The following DCLRE1C variants were observed in gnomAD, a reference collection of about 807,000 sequenced individuals.
DCLRE1C encodes the protein protein artemis.
A neutral mutation model predicts 61.4 loss-of-function variants in DCLRE1C; 47 were observed. The ratio of observed to expected loss-of-function variants is 0.77; its 90% CI spans 0.61 to 0.98. The LOEUF is 0.98. Among genes scored for constraint, DCLRE1C ranks in the 50% least tolerant of loss-of-function variants. DCLRE1C has a pLI of 0.00. For synonymous variants in DCLRE1C, 337 were observed against 287.6 expected (o/e 1.17, Z -1.74); for missense variants, 858 against 816.0 (o/e 1.05, Z -0.63).
intron 1 of DCLRE1C, among the ~76,000 whole-genome samples, chr10:14,952,131 TTA>T (rs1406144867): frequency 1.3e-5 from 2 of 152,224 alleles, no homozygotes; most frequent in Non-Finnish European, 2.9e-5. Flanking sequence ...TTTAGATTTA[TTA>T]TTTCTCCAAA....
intron 12 of DCLRE1C, among the ~76,000 whole-genome samples, chr10:14,922,000 C>T (rs545298990): frequency 2.0e-5 from 3 of 152,228 alleles, no homozygotes; most frequent in Non-Finnish European, 4.4e-5. Context: ...TTCCCTGACA[C>T]GGGGCCTCAT....
intron 1 of DCLRE1C, among the ~76,000 whole-genome samples, chr10:14,951,046 G>A (rs1055788078): frequency 3.9e-5 from 6 of 152,058 alleles, no homozygotes; most frequent in Non-Finnish European, 7.3e-5. Flanking sequence ...CCACAAATAA[G>A]CATCAGGTGG....
chr10:14,908,352 T>C lies in DCLRE1C; in HGVS notation c.*56A>G. On this transcript the variant is annotated 3_prime_UTR_variant, in exon 14 of 14. Coordinates refer to ENST00000378278, the MANE Select transcript of DCLRE1C (RefSeq NM_001033855.3). ...GTATTTTCTCTATTGTAATATTGAC[T>C]GTCATCTCTGTGCAGGTTTTTTAGT... 7.6e-7 allele frequency: 1 copy of C among 1,307,826 alleles called. No homozygotes were observed. The highest frequency in any genetic ancestry group is 1.1e-6 in the Non-Finnish European group (1 of 906,478). 81.0% of individuals were successfully genotyped at this position (1,307,826 alleles called of 1,614,324 possible).
intron 4 of DCLRE1C, among the ~76,000 whole-genome samples, chr10:14,937,239 C>A (rs1840084973): frequency 6.7e-6 from 1 of 150,318 alleles, no homozygotes; most frequent in Non-Finnish European, 1.5e-5. Context: ...GTGATGGATA[C>A]ACAAGTGTGT....
At chr10:14,910,584 T>G (rs931206762) in intron 13 of DCLRE1C, among the ~76,000 whole-genome samples, 2 of 152,138 alleles carry the variant, frequency 1.3e-5, no homozygotes, top group Non-Finnish European at 2.9e-5. Context: ...ATGAGCCACT[T>G]TGCCTAGCCC....
chr10:14,928,300 A>G, intron 9 of DCLRE1C, 148 bp from the exon 10 acceptor site: 1 of 700,608 alleles, frequency 1.4e-6, no homozygotes, highest in Non-Finnish European at 2.3e-6. Context: ...AGACATGAAG[A>G]AACAATCAGA....
intron 4 of DCLRE1C, 94 bp downstream of exon 4, chr10:14,939,716 G>A: frequency 1.0e-6 from 1 of 997,320 alleles, no homozygotes; most frequent in South Asian, 1.4e-5. Flanking sequence ...ATAGCTGAGG[G>A]GTGGAGCATC....
intron 1 of DCLRE1C, among the ~76,000 whole-genome samples, chr10:14,949,765 T>C (rs529580246): frequency 3.3e-5 from 5 of 152,184 alleles, no homozygotes; most frequent in African/African-American, 4.8e-5. Context: ...ACTAAACCAG[T>C]TGGACATGGT....
chr10:14,936,672 G>A, intron 4 of DCLRE1C, 79 bp from the exon 5 acceptor site: 4 of 951,000 alleles, frequency 4.2e-6, no homozygotes, highest in Admixed American at 1.9e-5. Context: ...CTCCTTCACA[G>A]AACACATTTA....
chr10:14,919,432 G>C (rs1326794909), intron 13 of DCLRE1C, among the ~76,000 whole-genome samples: 3 of 152,146 alleles, frequency 2.0e-5, no homozygotes, highest in Admixed American at 6.5e-5. Flanking sequence ...AAATGTTCAA[G>C]GATAACAAAC....
intron 9 of DCLRE1C, among the ~76,000 whole-genome samples, chr10:14,929,193 T>G (rs931879776): frequency 6.6e-6 from 1 of 151,970 alleles, no homozygotes; most frequent in Non-Finnish European, 1.5e-5. Flanking sequence ...TCACTTGAGG[T>G]CAGGAGTCCA....
chr10:14,909,311 G>T lies in DCLRE1C; in HGVS notation c.1176C>A (p.Leu392=). ...AAGGTATTGGCAGAGGATCATCAAA[G>T]AGATAGTCATCTTCCTCCTCTGTGG... ...HRDSEEEDDY[L]FDDPLPIPLR... Residue 392 remains leucine (L), a synonymous_variant, in exon 14 of 14, where the codon CTC becomes CTA. Coordinates refer to ENST00000378278, the MANE Select transcript of DCLRE1C (RefSeq NM_001033855.3). 1.2e-6 allele frequency: 2 copies of T among 1,613,722 alleles called. No homozygotes were observed. Among genetic ancestry groups the T allele is most frequent in the Non-Finnish European group, 1.7e-6 (2 of 1,179,986 alleles).
At chr10:14,931,125 A>T (rs1027980356) in intron 9 of DCLRE1C, among the ~76,000 whole-genome samples, 1 of 152,266 alleles carries the variant, frequency 6.6e-6, no homozygotes, top group Non-Finnish European at 1.5e-5. Context: ...AGAGAAAAAT[A>T]ATGATCACTC....
At chr10:14,936,675 C>T in intron 4 of DCLRE1C, 82 bp from the exon 5 acceptor site, 2 of 904,962 alleles carry the variant, frequency 2.2e-6, no homozygotes, top group Non-Finnish European at 3.6e-6. Flanking sequence ...CTTCACAGAA[C>T]ACATTTATGT....
intron 13 of DCLRE1C, among the ~76,000 whole-genome samples, chr10:14,911,495 A>T (rs373316533): frequency 6.6e-6 from 1 of 152,366 alleles, no homozygotes; most frequent in Non-Finnish European, 1.5e-5. Context: ...CAGAAATTCA[A>T]GAAGCAGGAA....
exon 14 of DCLRE1C, chr10:14,898,233 G>C: frequency 1.4e-5 from 1 of 73,268 alleles, no homozygotes; most frequent in South Asian, 4.8e-4. Context: ...TTTTTTTTGA[G>C]AAGTAGTACT....
At chr10:14,934,232 C>G (rs187870233) in intron 8 of DCLRE1C, 148 bp downstream of exon 8, 255 of 1,174,154 alleles carry the variant, frequency 2.2e-4, no homozygotes, top group East Asian at 5.2e-4. Context: ...GGAGGCTGAG[C>G]CAGGAGAATT....
In DCLRE1C at chr10:14,928,265, T is replaced by A. The variant is rs1189677833; in HGVS notation, c.781-113A>T. ...TTTCCAGACACGAAAAAATAAAAAA[T>A]AAAAAAAAAGCAGCAAAACAATGTA... On this transcript the variant is annotated intron_variant, in intron 9 of 13. Coordinates refer to ENST00000378278, the MANE Select transcript of DCLRE1C (RefSeq NM_001033855.3). The A allele has an allele frequency of 1.3e-5, 12 of 937,166 alleles. No homozygotes were observed. Among genetic ancestry groups the A allele is most frequent in the African/African-American group, 1.7e-5 (1 of 57,584 alleles). The allele number at this position is 937,166 out of a possible 1,614,324, so 58.1% of individuals were successfully genotyped here.
rs565405780 is a variant in DCLRE1C at position 14,928,002 on chromosome 10, T to A, written c.917+14A>T. ...AAAGTTTCTCTCAGAAGACCTATGATATTGCTCTCTTACCTCACAATTACA... is the reference window on the plus strand; with the variant it reads ...AAAGTTTCTCTCAGAAGACCTATGAAATTGCTCTCTTACCTCACAATTACA... On this transcript the variant is annotated intron_variant, in intron 10 of 13. Transcript: ENST00000378278. 2 of 1,613,454 alleles carry A rather than the reference T, an allele frequency of 1.2e-6. No individual in the cohort carries two copies. The highest frequency in any genetic ancestry group is 2.2e-5 in the South Asian group (2 of 91,062).
Sources: gnomAD v4.1 joint callset for allele counts (sites outside exome capture counted in the v4.1 genomes callset) on GRCh38, gnomAD v4.1.1 for gene constraint, MANE v1.5 for transcripts, NCBI Gene and HGNC (gene_info 2026-07-23, HGNC 2026-07-21) for gene names.